Variants in NELL1 observed in about 807,000 individuals in gnomAD.
NELL1 encodes the protein protein kinase C-binding protein NELL1.
In NELL1, 76 loss-of-function variants were observed where a neutral mutation model predicts 107.4. The ratio of observed to expected loss-of-function variants is 0.71; its 90% CI spans 0.59 to 0.86. The LOEUF is 0.86. Among genes scored for constraint, NELL1 ranks in the 40% least tolerant of loss-of-function variants. The pLI is 0.00. For synonymous variants in NELL1, 353 were observed against 341.2 expected, an observed-to-expected ratio of 1.03 and a Z score of -0.38; for missense variants, 1,024 against 1,005.5, an observed-to-expected ratio of 1.02 and a Z score of -0.25.
intron 12 of NELL1, among the ~76,000 whole-genome samples, chr11:20,994,107 G>A (rs1241869113): frequency 6.6e-6 from 1 of 152,120 alleles, no homozygotes; most frequent in Non-Finnish European, 1.5e-5. Flanking sequence ...TTACTTTTGT[G>A]CATTTCTATA....
chr11:20,810,448 C>T (rs1238948251), intron 3 of NELL1, among the ~76,000 whole-genome samples: 1 of 152,182 alleles, frequency 6.6e-6, no homozygotes, highest in Admixed American at 6.5e-5. Context: ...TTAGCTCCCA[C>T]ATATCAGTGA....
At chr11:21,475,260 G>A (rs952782206) in intron 15 of NELL1, among the ~76,000 whole-genome samples, 2 of 152,052 alleles carry the variant, frequency 1.3e-5, no homozygotes, top group African/African-American at 4.8e-5. Context: ...CTTTATCTCA[G>A]TGTCATTTTA....
At chr11:20,695,722 G>T (rs764282506) in intron 2 of NELL1, among the ~76,000 whole-genome samples, 2 of 152,004 alleles carry the variant, frequency 1.3e-5, no homozygotes, top group Admixed American at 6.6e-5. Context: ...GGGTAGGGAT[G>T]TTGGCTTATA....
intron 12 of NELL1, among the ~76,000 whole-genome samples, chr11:21,030,761 A>G (rs988140894): frequency 4.0e-5 from 6 of 151,892 alleles, no homozygotes; most frequent in African/African-American, 1.5e-4. Context: ...CAATGTGTTC[A>G]TTTAGAGAAT....
chr11:20,787,869 A>G (rs1016297737), intron 3 of NELL1, among the ~76,000 whole-genome samples: 1 of 152,154 alleles, frequency 6.6e-6, no homozygotes, highest in African/African-American at 2.4e-5. Flanking sequence ...ATTTCCCCAT[A>G]AGCTCCCAAG....
intron 12 of NELL1, among the ~76,000 whole-genome samples, chr11:20,975,553 T>C (rs796485864): frequency 7.3e-6 from 1 of 136,074 alleles, no homozygotes; most frequent in East Asian, 2.2e-4. Flanking sequence ...TATATATACA[T>C]ATATGTACAG....
chr11:20,721,031 C>T (rs1357138983), intron 2 of NELL1, among the ~76,000 whole-genome samples: 1 of 151,878 alleles, frequency 6.6e-6, no homozygotes. Flanking sequence ...GGTACATTTT[C>T]CTCTTCCAAT....
In NELL1 at chr11:21,560,259, C is replaced by T. The variant is rs8176789; in HGVS notation, c.1857C>T (p.Gly619=). The change falls in exon 17 of 20, where the codon GGC becomes GGT. Residue 619 remains glycine, a synonymous_variant. Coordinates refer to ENST00000357134, the MANE Select transcript of NELL1 (RefSeq NM_006157.5). ...CTGCCTGCATCAACCTGGCAGGGGG[C>T]TTTGACTGTCTCTGCCCCTCTGGGC... ...NDSACINLAG[G]FDCLCPSGPS... The T allele has an allele frequency of 0.77, 1,240,071 of 1,613,326 alleles. 488,070 individuals are homozygous for T. Among genetic ancestry groups the T allele is most frequent in the Non-Finnish European group, 0.82 (965,966 of 1,179,642 alleles).
intron 14 of NELL1, chr11:21,284,055 C>T (rs567882138): frequency 5.4e-6 from 2 of 367,074 alleles, no homozygotes; most frequent in Non-Finnish European, 1.1e-5. Flanking sequence ...ATGTCAGTGA[C>T]CTCCACCTCT....
At chr11:21,230,992 C>T (rs1858034262) in intron 14 of NELL1, among the ~76,000 whole-genome samples, 1 of 151,930 alleles carries the variant, frequency 6.6e-6, no homozygotes, top group Non-Finnish European at 1.5e-5. Context: ...TGGAAACAAC[C>T]AAAATATCCA....
chr11:20,770,308 C>T lies in NELL1; in HGVS notation c.185-13372C>T, dbSNP rs560397673. Among the ~76,000 whole-genome samples the T allele has an allele frequency of 2.6e-5, 4 of 152,258 alleles. No homozygotes were observed. The South Asian group carries it at 8.3e-4, about 32-fold the overall frequency. On this transcript the variant is annotated intron_variant, in intron 2 of 19. Transcript: ENST00000357134. ...TAAGGGGGGACATTAATGTTTAATA[C>T]AGTCAGAATAACATCTCTAAAGAGG...
Position 20,674,633 on chromosome 11 carries a change from T to C in NELL1, c.56-3299T>C. 2 of 979,854 alleles carry C rather than the reference T, an allele frequency of 2.0e-6. 1 individual carries two copies. The highest frequency in any genetic ancestry group is 2.7e-5 in the South Asian group (2 of 72,776). 60.7% of individuals were successfully genotyped at this position (979,854 alleles called of 1,614,324 possible). ...ACTGAGGCTTGATAAATGAATGCTT[T>C]TCTTAAGGGCACAGGGTTAGTAGAG... On this transcript the variant is annotated intron_variant, in intron 1 of 19. Transcript: ENST00000357134.
intron 3 of NELL1, among the ~76,000 whole-genome samples, chr11:20,816,661 A>G (rs942087628): frequency 1.3e-5 from 2 of 152,160 alleles, no homozygotes; most frequent in Non-Finnish European, 2.9e-5. Flanking sequence ...CTCTGGCTAG[A>G]ACTTCCAGTC....
At chr11:20,811,572 G>T (rs1486835281) in intron 3 of NELL1, among the ~76,000 whole-genome samples, 1 of 152,020 alleles carries the variant, frequency 6.6e-6, no homozygotes, top group African/African-American at 2.4e-5. Context: ...TCCAATTAAT[G>T]AAATTTGTCC....
intron 14 of NELL1, among the ~76,000 whole-genome samples, chr11:21,298,790 G>A (rs1000200795): frequency 6.6e-6 from 1 of 151,968 alleles, no homozygotes; most frequent in Non-Finnish European, 1.5e-5. Flanking sequence ...ATAAACAGCA[G>A]CAGCAGCAGC....
chr11:20,702,646 T>C (rs1446269055), intron 2 of NELL1, among the ~76,000 whole-genome samples: 1 of 152,152 alleles, frequency 6.6e-6, no homozygotes, highest in Admixed American at 6.6e-5. Flanking sequence ...GGTTGTGGGT[T>C]TGTCATAAAA....
intron 15 of NELL1, among the ~76,000 whole-genome samples, chr11:21,508,887 G>A (rs75660371): frequency 0.15 from 22,977 of 151,894 alleles, 1,840 homozygotes; most frequent in Non-Finnish European, 0.17. Context: ...TAACTGTTTT[G>A]AAAAACATAT....
intron 1 of NELL1, among the ~76,000 whole-genome samples, chr11:20,672,076 A>C (rs115381148): frequency 9.5e-4 from 145 of 152,342 alleles, no homozygotes; most frequent in African/African-American, 3.3e-3. Flanking sequence ...TTTCTTCTAC[A>C]CACATTATCG....
rs563130184 is a variant in NELL1, at chr11:21,111,777, A to T, written c.1301-1812A>T. ...AAATTTGAAAAGGATGGGGAAATAC[A>T]ATTGTGCTATGTGCCCAGAGAGTGG... On this transcript the variant is annotated intron_variant, in intron 12 of 19. Transcript: ENST00000357134. Among the ~76,000 whole-genome samples, 4 of 152,216 alleles carry T rather than the reference A, an allele frequency of 2.6e-5. No homozygotes were observed. The East Asian group carries it at 7.7e-4, about 29-fold the overall frequency.
Sources: allele counts gnomAD v4.1 joint callset (sites outside exome capture counted in the v4.1 genomes callset), GRCh38; gene constraint gnomAD v4.1.1; transcripts MANE v1.5; gene names NCBI Gene and HGNC (gene_info 2026-07-23, HGNC 2026-07-21).